The following PTGER3 variants were observed in gnomAD, a reference collection of about 807,000 sequenced individuals.
PTGER3 encodes prostaglandin E receptor 3.
Under a neutral mutation model 34.7 loss-of-function variants are expected in PTGER3, and 22 were observed. The ratio of observed to expected loss-of-function variants is 0.63; its 90% confidence interval spans 0.45 to 0.91. The LOEUF is 0.91. Among genes scored for constraint, PTGER3 ranks in the 40% least tolerant of loss-of-function variants. The pLI is 0.00. For missense variants in PTGER3, 468 were observed against 519.4 expected, an observed-to-expected ratio of 0.90 and a Z score of 0.96; for synonymous variants, 241 against 230.1, an observed-to-expected ratio of 1.05 and a Z score of -0.43.
chr1:70,907,133 C>T (rs909404916), intron 4 of PTGER3, among the ~76,000 whole-genome samples: 1 of 152,168 alleles, frequency 6.6e-6, no homozygotes, highest in African/African-American at 2.4e-5. Flanking sequence ...TAGAAAAGTT[C>T]AAATATTGGT....
At chr1:70,930,979 C>A (rs1351056162) in intron 4 of PTGER3, among the ~76,000 whole-genome samples, 1 of 152,092 alleles carries the variant, frequency 6.6e-6, no homozygotes, top group Non-Finnish European at 1.5e-5. Flanking sequence ...TCATCTAAGA[C>A]AAGGCAAGCA....
downstream of PTGER3, among the ~76,000 whole-genome samples, chr1:70,968,625 C>T (rs1652778783): frequency 2.6e-5 from 4 of 151,836 alleles, no homozygotes; most frequent in Admixed American, 2.6e-4. Flanking sequence ...ACAATGGATA[C>T]ATTTGTCTAG....
At chr1:70,979,742 C>T (rs1218332388) in intron 2 of PTGER3, among the ~76,000 whole-genome samples, 1 of 152,144 alleles carries the variant, frequency 6.6e-6, no homozygotes, top group East Asian at 1.9e-4. Flanking sequence ...AGACTCTGAT[C>T]AACTCAAACT....
At chr1:71,043,942 G>A (rs867981384) in intron 1 of PTGER3, among the ~76,000 whole-genome samples, 3 of 150,664 alleles carry the variant, frequency 2.0e-5, no homozygotes, top group African/African-American at 4.9e-5. Context: ...TCAGCCTCCC[G>A]AGTAACTGAG....
chr1:70,881,493 TTTGTTG>T (rs748082106), intron 4 of PTGER3, among the ~76,000 whole-genome samples: 1 of 152,092 alleles, frequency 6.6e-6, no homozygotes, highest in African/African-American at 2.4e-5. Flanking sequence ...TTTTGCCTTT[TTTGTTG>T]TTGTTGTTGT....
chr1:70,958,189 G>A (rs921422893), intron 2 of PTGER3, among the ~76,000 whole-genome samples: 2 of 152,004 alleles, frequency 1.3e-5, no homozygotes, highest in Admixed American at 6.6e-5. Context: ...TCAACATACC[G>A]ATTTCATTTT....
rs372730408 is a variant in PTGER3, at chr1:71,026,293, G to A, written c.898-13809C>T. On this transcript the variant is annotated intron_variant, in intron 1 of 3. Coordinates refer to ENST00000306666, the MANE Select transcript of PTGER3 (RefSeq NM_198719.2). ...AAGTGCTATGTAAGTACTACTTGCT[G>A]TTTTGTTATTATTTGAATGTTATGT... 3.6e-4 allele frequency among the ~76,000 whole-genome samples: 55 copies of A among 152,232 alleles called. 1 individual carries two copies. Among genetic ancestry groups the A allele is most frequent in the African/African-American group, 1.3e-3 (53 of 41,534 alleles).
rs560970995 is a variant in PTGER3 at position 70,889,809 on chromosome 1, T to C, written c.*24-36950A>G. Among the ~76,000 whole-genome samples, 7 of 152,170 alleles carry C rather than the reference T, an allele frequency of 4.6e-5. No individual in the cohort carries two copies. In the South Asian group the frequency reaches 6.2e-4, roughly 14 times the overall value. On this transcript the variant is annotated intron_variant, in intron 4 of 4. Coordinates refer to the PTGER3 transcript ENST00000370931. ...GAACCATCAGATCACTGACTTCTCT[T>C]GAAAGCCCCACATGTCTGTGAGGAC...
intron 3 of PTGER3, chr1:70,953,724 TC>T (rs1163979137): frequency 8.5e-6 from 13 of 1,538,026 alleles, no homozygotes; most frequent in Non-Finnish European, 1.1e-5. Context: ...AGGTTTGGAT[TC>T]AAATGCAACT....
intron 4 of PTGER3, among the ~76,000 whole-genome samples, chr1:70,879,848 C>T (rs1033420271): frequency 5.3e-5 from 8 of 152,114 alleles, no homozygotes; most frequent in African/African-American, 1.4e-4. Context: ...GCAATCCCAG[C>T]ACTTTGGGAG....
chr1:70,907,934 G>A (rs982203840), intron 4 of PTGER3, among the ~76,000 whole-genome samples: 1 of 152,162 alleles, frequency 6.6e-6, no homozygotes, highest in East Asian at 1.9e-4. Context: ...TGCGGGCAGA[G>A]CTTCAAGAAG....
At chr1:70,974,234 C>A in intron 3 of PTGER3, 63 bp downstream of exon 3, 2 of 1,586,392 alleles carry the variant, frequency 1.3e-6, no homozygotes, top group Non-Finnish European at 1.7e-6. Flanking sequence ...AGCATCAACT[C>A]CGATTAGAAC....
intron 1 of PTGER3, among the ~76,000 whole-genome samples, chr1:71,045,973 A>G (rs559365480): frequency 2.2e-4 from 34 of 151,724 alleles, no homozygotes; most frequent in Admixed American, 5.3e-4. Flanking sequence ...AAATCTTATT[A>G]ACGTGAAAGA....
At chr1:70,901,574 G>T (rs1337734294) in intron 4 of PTGER3, among the ~76,000 whole-genome samples, 4 of 152,134 alleles carry the variant, frequency 2.6e-5, no homozygotes, top group African/African-American at 9.7e-5. Context: ...GCCAGATGCT[G>T]CACTGGCACC....
chr1:70,972,349 A>C (rs1040490905), intron 3 of PTGER3, among the ~76,000 whole-genome samples: 7 of 152,154 alleles, frequency 4.6e-5, no homozygotes, highest in Non-Finnish European at 8.8e-5. Flanking sequence ...TCATTAATTA[A>C]AGTATTCTGT....
chr1:70,867,398 A>G (rs1646065680), intron 4 of PTGER3, among the ~76,000 whole-genome samples: 1 of 152,188 alleles, frequency 6.6e-6, no homozygotes, highest in African/African-American at 2.4e-5. Flanking sequence ...AAAACCTTCA[A>G]AGAAATCTAC....
intron 4 of PTGER3, among the ~76,000 whole-genome samples, chr1:70,896,302 C>A (rs1646720708): frequency 6.6e-6 from 1 of 152,126 alleles, no homozygotes; most frequent in Non-Finnish European, 1.5e-5. Flanking sequence ...GGCCTTAATT[C>A]AAGACTGGTG....
At chr1:70,881,789 C>T (rs988486450) in intron 4 of PTGER3, among the ~76,000 whole-genome samples, 2 of 152,196 alleles carry the variant, frequency 1.3e-5, no homozygotes, top group East Asian at 3.8e-4. Context: ...AGTTAGCAGA[C>T]AAGCCATTTC....
At chr1:70,986,441 C>T (rs17097545) in intron 2 of PTGER3, among the ~76,000 whole-genome samples, 3,439 of 152,116 alleles carry the variant, frequency 0.023, 75 homozygotes, top group Non-Finnish European at 0.036. Context: ...TATGAGGGGA[C>T]GAGCCTAAGG....
Sources: allele counts gnomAD v4.1 joint callset (sites outside exome capture counted in the v4.1 genomes callset), GRCh38; gene constraint gnomAD v4.1.1; transcripts MANE v1.5; gene names NCBI Gene and HGNC (gene_info 2026-07-23, HGNC 2026-07-21).